Variants in PRKAG2 observed in about 807,000 individuals in gnomAD.
PRKAG2 encodes the protein 5'-AMP-activated protein kinase subunit gamma-2.
A neutral mutation model predicts 69.6 loss-of-function variants in PRKAG2; 26 were observed. The observed-to-expected ratio is 0.37, with a 90% confidence interval of 0.27 to 0.52. The LOEUF is 0.52. Among genes scored for constraint, PRKAG2 ranks in the 20% least tolerant of loss-of-function variants. PRKAG2 has a pLI of 0.90. For missense variants in PRKAG2, 557 were observed against 740.0 expected (o/e 0.75, Z 2.87); for synonymous variants, 293 against 285.0 (o/e 1.03, Z -0.28).
chr7:151,566,697 C>T (rs1563147728), intron 11 of PRKAG2: 1 of 374,130 alleles, frequency 2.7e-6, no homozygotes, highest in Non-Finnish European at 5.2e-6. Flanking sequence ...AATCATGAGA[C>T]TCCTAGAAAT....
chr7:151,563,979 TG>T, intron 14 of PRKAG2, 98 bp downstream of exon 14: 1 of 1,557,358 alleles, frequency 6.4e-7, no homozygotes, highest in Non-Finnish European at 8.8e-7. Flanking sequence ...GCTGCCTCGC[TG>T]GGCCCTTCCT....
rs548358867 is a variant in PRKAG2 at position 151,850,962 on chromosome 7, G to A, written c.114+25545C>T. ...TGAGCTCCAAGGCACGGCCCACAGGGGTACCCCTGCTCCCCAACCCGCAAA... is the reference window on the plus strand; with the variant it reads ...TGAGCTCCAAGGCACGGCCCACAGGAGTACCCCTGCTCCCCAACCCGCAAA... On this transcript the variant is annotated intron_variant, in intron 1 of 15. Coordinates refer to ENST00000287878, the MANE Select transcript of PRKAG2 (RefSeq NM_016203.4). The surrounding 1 kb of genome is among the most constrained non-coding windows in gnomAD (Gnocchi z 4.1). Among the ~76,000 whole-genome samples, 187 of 152,278 alleles carry A rather than the reference G, an allele frequency of 1.2e-3. 5 individuals carry two copies. In the South Asian group the frequency reaches 0.032, roughly 26 times the overall value.
chr7:151,583,919 T>A lies in PRKAG2; in HGVS notation c.865-7467A>T, dbSNP rs1353673065. On this transcript the variant is annotated intron_variant, in intron 6 of 15. Transcript: ENST00000287878. The surrounding 1 kb of genome is among the most constrained non-coding windows in gnomAD (Gnocchi z 4.1). Reference sequence around the variant, plus strand: ...GGCAGTCTATACCAAGGAGAACATCTGTGTTCCCCAGAATGGGAAGCTGGT... The same window carrying A: ...GGCAGTCTATACCAAGGAGAACATCAGTGTTCCCCAGAATGGGAAGCTGGT... 6.6e-6 allele frequency among the ~76,000 whole-genome samples: 1 copy of A among 152,230 alleles called. No individual in the cohort carries two copies. Among genetic ancestry groups the A allele is most frequent in the Non-Finnish European group, 1.5e-5 (1 of 68,038 alleles).
intron 1 of PRKAG2, among the ~76,000 whole-genome samples, chr7:151,818,478 C>A (rs2078697377): frequency 1.3e-5 from 2 of 152,262 alleles, no homozygotes; most frequent in South Asian, 4.1e-4. Flanking sequence ...TACACCACTG[C>A]ACCCCAGAAC....
At chr7:151,768,376 T>G (rs1375312066) in intron 3 of PRKAG2, among the ~76,000 whole-genome samples, 1 of 152,210 alleles carries the variant, frequency 6.6e-6, no homozygotes, top group East Asian at 1.9e-4. Context: ...CAAAACCCCA[T>G]TAGCAACGGC....
intron 1 of PRKAG2, among the ~76,000 whole-genome samples, chr7:151,875,595 G>GTT (rs2080373943): frequency 8.5e-6 from 1 of 117,222 alleles, no homozygotes; most frequent in Admixed American, 8.6e-5. Flanking sequence ...GTGTGTGTGT[G>GTT]TGTGTGTGTG....
chr7:151,662,071 A>G (rs1048320036), intron 4 of PRKAG2, among the ~76,000 whole-genome samples: 7 of 152,176 alleles, frequency 4.6e-5, no homozygotes, highest in Non-Finnish European at 1.0e-4. Flanking sequence ...ATTTTCACAC[A>G]ACTCTATTGG....
intron 5 of PRKAG2, among the ~76,000 whole-genome samples, chr7:151,624,891 TAAG>T (rs761095055): frequency 3.3e-5 from 5 of 152,208 alleles, no homozygotes; most frequent in Non-Finnish European, 5.9e-5. Flanking sequence ...TATGTCTTTG[TAAG>T]AAATAACATT....
At chr7:151,816,870 GGAAAA>G in intron 1 of PRKAG2, among the ~76,000 whole-genome samples, 1 of 152,166 alleles carries the variant, frequency 6.6e-6, no homozygotes, top group South Asian at 2.1e-4. Context: ...GGTTTTCCTT[GGAAAA>G]GCTGGAAATG....
chr7:151,593,489 C>T (rs997796605), intron 6 of PRKAG2, among the ~76,000 whole-genome samples: 4 of 152,152 alleles, frequency 2.6e-5, no homozygotes, highest in Admixed American at 1.3e-4. Flanking sequence ...CCACTGTGCC[C>T]GGCCTACTGT....
intron 2 of PRKAG2, among the ~76,000 whole-genome samples, chr7:151,782,178 GA>G (rs1342673359): frequency 6.6e-6 from 1 of 151,990 alleles, no homozygotes; most frequent in African/African-American, 2.4e-5. Context: ...AGCTACTCAG[GA>G]GGCTGAGGCA....
At chr7:151,773,194 GAAGGAAAGAAAGA>G (rs2076170240) in intron 3 of PRKAG2, among the ~76,000 whole-genome samples, 2 of 144,336 alleles carry the variant, frequency 1.4e-5, no homozygotes, top group Admixed American at 7.1e-5. Flanking sequence ...AGGAAAGAAA[GAAGGAAAGAAAGA>G]AAGGAAAGAA....
chr7:151,762,195 T>C (rs1469025506), intron 3 of PRKAG2, among the ~76,000 whole-genome samples: 1 of 151,976 alleles, frequency 6.6e-6, no homozygotes, highest in Non-Finnish European at 1.5e-5. Context: ...CCAGGACAGG[T>C]GGGGAGAAGA....
chr7:151,748,777 A>T (rs2074467132), intron 3 of PRKAG2, among the ~76,000 whole-genome samples: 1 of 152,252 alleles, frequency 6.6e-6, no homozygotes, highest in African/African-American at 2.4e-5. Flanking sequence ...AAATAAAAAT[A>T]AAAAAGGTTG....
At chr7:151,815,114 T>C (rs912509117) in intron 1 of PRKAG2, among the ~76,000 whole-genome samples, 7 of 152,164 alleles carry the variant, frequency 4.6e-5, no homozygotes, top group South Asian at 2.1e-4. Context: ...GGGGTTTTTT[T>C]CCCCTCTGGC....
rs1431795853 is a variant in PRKAG2 at position 151,797,261 on chromosome 7, C to T, written c.115-10720G>A. Among the ~76,000 whole-genome samples, 3 of 151,908 alleles carry T rather than the reference C, an allele frequency of 2.0e-5. No individual in the cohort carries two copies. The South Asian group carries it at 6.3e-4, about 32-fold the overall frequency. On this transcript the variant is annotated intron_variant, in intron 1 of 15. Coordinates refer to ENST00000287878, the MANE Select transcript of PRKAG2 (RefSeq NM_016203.4). ...ACCCCCCACCGCCGCCTGGTGCTCC[C>T]CACCGGGTACACACCCAGCGGTTTT... is the stretch of plus-strand genomic sequence containing the variant.
At chr7:151,869,970 C>T (rs928451210) in intron 1 of PRKAG2, among the ~76,000 whole-genome samples, 1 of 152,202 alleles carries the variant, frequency 6.6e-6, no homozygotes, top group South Asian at 2.1e-4. Flanking sequence ...CGTGGCCTAA[C>T]GGGCTGGCCC....
chr7:151,577,347 G>A (rs1436075371), intron 6 of PRKAG2, among the ~76,000 whole-genome samples: 1 of 152,114 alleles, frequency 6.6e-6, no homozygotes, highest in Non-Finnish European at 1.5e-5. Context: ...CATACTTGAA[G>A]ATTTATTAAT....
intron 3 of PRKAG2, among the ~76,000 whole-genome samples, chr7:151,734,088 C>T (rs1799382576): frequency 6.6e-6 from 1 of 152,116 alleles, no homozygotes; most frequent in African/African-American, 2.4e-5. Context: ...CTTTATGGGG[C>T]TTTCTTCTTC....
Sources: allele counts gnomAD v4.1 joint callset (sites outside exome capture counted in the v4.1 genomes callset), GRCh38; gene constraint gnomAD v4.1.1; non-coding constraint Gnocchi (gnomAD v3.1); transcripts MANE v1.5; gene names NCBI Gene and HGNC (gene_info 2026-07-23, HGNC 2026-07-21).